The following GOLGA4 variants were observed in gnomAD, a reference collection of about 807,000 sequenced individuals.
GOLGA4 encodes golgin subfamily A member 4.
In GOLGA4, 169 loss-of-function variants were observed where a neutral mutation model predicts 265.9. The ratio of observed to expected loss-of-function variants is 0.64; its 90% CI spans 0.56 to 0.72. The LOEUF is 0.72. GOLGA4 is among the 30% of genes least tolerant of loss of function. GOLGA4 has a pLI of 0.00. For synonymous variants in GOLGA4, 923 were observed against 855.8 expected, an observed-to-expected ratio of 1.08 and a Z score of -1.37; for missense variants, 2,482 against 2,483.4, an observed-to-expected ratio of 1.00 and a Z score of 0.01.
Position 37,324,508 on chromosome 3 carries a change from T to G in GOLGA4, c.2622T>G (p.Asn874Lys). ...QDLMQQLEKQ[N>K]SEMEQKVKSL... ...TAATGCAGCAACTTGAAAAACAAAA[T>G]AGTGAAATGGAGCAAAAAGTAAAAT... Residue 874 changes from asparagine (N) to lysine (K), a missense_variant, in exon 14 of 24, where the codon AAT becomes AAG. Physicochemically the swap from Asn to Lys is moderately conservative, Grantham distance 94. This residue lies in a region of GOLGA4 where 1,536 missense variants were observed against 1,483.7 expected (regional missense o/e 1.04). Transcript: ENST00000361924. 6.2e-7 allele frequency: 1 copy of G among 1,613,728 alleles called. No individual in the cohort carries two copies. The highest frequency in any genetic ancestry group is 8.5e-7 in the Non-Finnish European group (1 of 1,179,860).
At chr3:37,257,987 A>G in intron 2 of GOLGA4, among the ~76,000 whole-genome samples, 1 of 92,858 alleles carries the variant, frequency 1.1e-5, no homozygotes, top group African/African-American at 5.5e-5. Flanking sequence ...ATATATATGT[A>G]TGTATATATG....
chr3:37,264,287 A>G (rs2096777758), intron 2 of GOLGA4, among the ~76,000 whole-genome samples: 1 of 152,196 alleles, frequency 6.6e-6, no homozygotes, highest in Non-Finnish European at 1.5e-5. Context: ...TTTAACTTAA[A>G]TTTAACATCC....
At chr3:37,294,028 G>A (rs962777840) in intron 5 of GOLGA4, among the ~76,000 whole-genome samples, 4 of 152,088 alleles carry the variant, frequency 2.6e-5, no homozygotes, top group East Asian at 1.9e-4. Flanking sequence ...TGAAACCACC[G>A]TCATATGTGT....
In GOLGA4 at chr3:37,315,542, A is replaced by G. The variant is rs184881566; in HGVS notation, c.1357A>G (p.Ile453Val). ...CGAAAAAACAAGTGAGGAGGAACGC[A>G]TCAGTCTTCAACAGGAATTAAGTCG... is the stretch of plus-strand genomic sequence containing the variant. ...TIEKTSEEER[I>V]SLQQELSRVK... The change falls in exon 11 of 24, where the codon ATC (isoleucine) becomes GTC (valine). Residue 453 changes from isoleucine to valine, a missense_variant. Coordinates refer to ENST00000361924, the MANE Select transcript of GOLGA4 (RefSeq NM_002078.5). 3.7e-5 allele frequency: 60 copies of G among 1,614,038 alleles called. No homozygotes were observed. The Admixed American group carries it at 6.0e-4, about 16-fold the overall frequency.
chr3:37,359,305 G>A (rs1473907144), intron 22 of GOLGA4, among the ~76,000 whole-genome samples: 1 of 151,966 alleles, frequency 6.6e-6, no homozygotes, highest in African/African-American at 2.4e-5. Flanking sequence ...AGTACACCCT[G>A]ATTTTTTTTA....
At chr3:37,276,401 T>C (rs878980779) in intron 2 of GOLGA4, 23 of 1,607,894 alleles carry the variant, frequency 1.4e-5, no homozygotes, top group East Asian at 1.1e-4. Flanking sequence ...GAAAGAGATG[T>C]GGAAAAACTT....
intron 22 of GOLGA4, 36 bp downstream of exon 22, chr3:37,355,223 T>C (rs1429811814): frequency 1.9e-6 from 2 of 1,048,288 alleles, no homozygotes. Context: ...TAGAAGATGA[T>C]TTCCCATCTG....
intron 2 of GOLGA4, among the ~76,000 whole-genome samples, chr3:37,255,155 A>G (rs933035274): frequency 1.5e-5 from 2 of 135,680 alleles, no homozygotes; most frequent in Non-Finnish European, 3.2e-5. Flanking sequence ...TGTTGTCATC[A>G]TTATTATTAT....
At chr3:37,317,846 C>T (rs973185934) in intron 11 of GOLGA4, among the ~76,000 whole-genome samples, 5 of 152,044 alleles carry the variant, frequency 3.3e-5, no homozygotes, top group Admixed American at 1.3e-4. Flanking sequence ...TTTGCACATA[C>T]GTCCTTTTAG....
At chr3:37,263,369 G>C (rs2096775158) in intron 2 of GOLGA4, among the ~76,000 whole-genome samples, 1 of 152,212 alleles carries the variant, frequency 6.6e-6, no homozygotes, top group Non-Finnish European at 1.5e-5. Flanking sequence ...ATGGTTTTTA[G>C]TTTCTGTCTC....
intron 15 of GOLGA4, among the ~76,000 whole-genome samples, 176 bp from the exon 16 acceptor site, chr3:37,328,787 G>A (rs1450905074): frequency 2.0e-5 from 3 of 152,118 alleles, no homozygotes; most frequent in Admixed American, 1.3e-4. Flanking sequence ...TTTGCTCAGG[G>A]AGAGGATACA....
intron 22 of GOLGA4, among the ~76,000 whole-genome samples, chr3:37,359,539 G>C (rs2151083383): frequency 6.6e-6 from 1 of 152,238 alleles, no homozygotes; most frequent in South Asian, 2.1e-4. Flanking sequence ...CTTTGATGGA[G>C]AAGGTTGGCT....
intron 10 of GOLGA4, among the ~76,000 whole-genome samples, chr3:37,303,680 T>C (rs1469623194): frequency 6.6e-6 from 1 of 152,182 alleles, no homozygotes; most frequent in African/African-American, 2.4e-5. Context: ...GTTAAATCTG[T>C]AGGAGAGGCG....
chr3:37,356,063 C>T (rs2097090133), intron 22 of GOLGA4, among the ~76,000 whole-genome samples: 1 of 152,114 alleles, frequency 6.6e-6, no homozygotes, highest in Admixed American at 6.6e-5. Context: ...CCCAAAGTAT[C>T]TCATCGTATC....
intron 18 of GOLGA4, 74 bp from the exon 19 acceptor site, chr3:37,337,592 C>T: frequency 1.0e-6 from 1 of 958,424 alleles, no homozygotes; most frequent in South Asian, 1.3e-5. Context: ...CAAAAATTTC[C>T]AAGCAGTGCA....
At chr3:37,365,930 G>A (rs1696718905) in intron 23 of GOLGA4, 150 bp from the exon 24 acceptor site, 1 of 555,116 alleles carries the variant, frequency 1.8e-6, no homozygotes, top group South Asian at 3.2e-5. Context: ...ACCACACCCA[G>A]CCTTATTTCT....
chr3:37,243,403 C>G lies in GOLGA4; in HGVS notation c.-148C>G. The G allele has an allele frequency of 1.4e-6, 1 of 693,868 alleles. No homozygotes were observed. The highest frequency in any genetic ancestry group is 2.6e-6 in the Non-Finnish European group (1 of 387,438). The allele number at this position is 693,868 out of a possible 1,614,324, so 43.0% of individuals were successfully genotyped here. On this transcript the variant is annotated 5_prime_UTR_variant, in exon 1 of 24. Coordinates refer to ENST00000361924, the MANE Select transcript of GOLGA4 (RefSeq NM_002078.5). ...GACACCCTCAGGACGAGTGTCCGGACTTGCCCACAGCCTCAAGGAGGAGAC... is the reference window on the plus strand; with the variant it reads ...GACACCCTCAGGACGAGTGTCCGGAGTTGCCCACAGCCTCAAGGAGGAGAC...
chr3:37,265,948 T>A (rs149670330), intron 2 of GOLGA4, among the ~76,000 whole-genome samples: 165 of 148,046 alleles, frequency 1.1e-3, no homozygotes, highest in Non-Finnish European at 2.0e-3. Flanking sequence ...ATGGCTTGAG[T>A]CCAGGAGGTG....
At chr3:37,249,992 T>C (rs2096729538) in intron 1 of GOLGA4, 1 of 152,264 alleles carries the variant, frequency 6.6e-6, no homozygotes, top group Non-Finnish European at 1.5e-5. Flanking sequence ...ATCACTCACT[T>C]ATGACTCGAA....
Sources: gnomAD v4.1 joint callset for allele counts (sites outside exome capture counted in the v4.1 genomes callset) on GRCh38, gnomAD v4.1.1 for gene constraint, gnomAD v4.1.1 regional missense constraint, MANE v1.5 for transcripts, NCBI Gene and HGNC (gene_info 2026-07-23, HGNC 2026-07-21) for gene names.